RNF19B: variants seen among roughly 807,000 people sequenced by gnomAD.
RNF19B encodes the protein ring finger protein 19B, also known as E3 ubiquitin-protein ligase RNF19B.
RNF19B carries 23 observed loss-of-function variants against 65.5 expected under a neutral mutation model. The ratio of observed to expected loss-of-function variants is 0.35; its 90% CI spans 0.25 to 0.50. The LOEUF (loss-of-function observed/expected upper bound fraction) is 0.50. Ranked by LOEUF, RNF19B falls within the 20% of genes least tolerant of loss-of-function variation. The probability of loss-of-function intolerance (pLI) is 0.98; values close to 1 mark genes in which losing one functional copy is unlikely to be tolerated. For synonymous variants in RNF19B, 372 were observed against 379.6 expected (o/e 0.98, Z 0.23); for missense variants, 794 against 980.0 (o/e 0.81, Z 2.53).
Position 32,936,941 on chromosome 1 carries a change from G to T in RNF19B, c.2061C>A (p.Pro687=). 6.2e-7 allele frequency: 1 copy of T among 1,613,952 alleles called. No homozygotes were observed. The highest frequency in any genetic ancestry group is 8.5e-7 in the Non-Finnish European group (1 of 1,179,996). Residue 687 remains proline (P), a synonymous_variant, in exon 9 of 9, where the codon CCC becomes CCA. Transcript: ENST00000235150. The part of the protein sequence containing the change: ...PDITSDECGS[P]RSHTAACPST... ...AGGGGCAGGCTGCAGTATGGGAGCG[G>T]GGGGAGCCACACTCATCTGAGGTGA...
chr1:32,948,142 A>G (rs1215101558), intron 3 of RNF19B, 80 bp downstream of exon 3: 16 of 1,465,214 alleles, frequency 1.1e-5, no homozygotes, highest in Non-Finnish European at 1.3e-5. Flanking sequence ...GAGAGAACGG[A>G]TGTGTCTTTT....
chr1:32,948,186 A>C (rs1557573004), intron 3 of RNF19B, 36 bp downstream of exon 3: 1 of 1,604,578 alleles, frequency 6.2e-7, no homozygotes, highest in Middle Eastern at 1.7e-4. Flanking sequence ...TAAGAGAATG[A>C]GACTACGAAA....
At chr1:32,951,525 GCAGT>G (rs1642499459) in intron 1 of RNF19B, among the ~76,000 whole-genome samples, 1 of 152,246 alleles carries the variant, frequency 6.6e-6, no homozygotes, top group Non-Finnish European at 1.5e-5. Context: ...AGGCCAACAA[GCAGT>G]CAGGCAGTTG....
intron 3 of RNF19B, among the ~76,000 whole-genome samples, chr1:32,946,983 T>C (rs1642380397): frequency 6.6e-6 from 1 of 152,238 alleles, no homozygotes; most frequent in African/African-American, 2.4e-5. Context: ...CTACCATACC[T>C]AATAGATACT....
chr1:32,948,184 T>A, intron 3 of RNF19B, 38 bp downstream of exon 3: 1 of 1,602,696 alleles, frequency 6.2e-7, no homozygotes, highest in Non-Finnish European at 8.5e-7. Context: ...AGTAAGAGAA[T>A]GAGACTACGA....
chr1:32,949,516 C>T, intron 2 of RNF19B, 53 bp downstream of exon 2: 1 of 1,493,796 alleles, frequency 6.7e-7, no homozygotes, highest in Non-Finnish European at 9.3e-7. Context: ...CAGCTATGGG[C>T]TCACATCATG....
intron 1 of RNF19B, among the ~76,000 whole-genome samples, chr1:32,956,499 T>G (rs1351324771): frequency 6.6e-6 from 1 of 151,158 alleles, no homozygotes; most frequent in Non-Finnish European, 1.5e-5. Flanking sequence ...GCCTGGGAGG[T>G]TGAGGTTCTA....
rs148714801 is a variant in RNF19B at position 32,953,074 on chromosome 1, C to T, written c.636-3300G>A. ...CTGAAACTCCTGGGCTCAAGTGATC[C>T]CACCTCAGGCCTCCAAGTACCAGTG... On this transcript the variant is annotated intron_variant, in intron 1 of 8. Transcript: ENST00000235150. Among the ~76,000 whole-genome samples the T allele has an allele frequency of 5.0e-3, 759 of 150,508 alleles. 8 individuals carry two copies. The highest frequency in any genetic ancestry group is 0.017 in the African/African-American group (704 of 40,972).
chr1:32,937,380 C>G, intron 8 of RNF19B, 121 bp from the exon 9 acceptor site: 2 of 1,449,932 alleles, frequency 1.4e-6, no homozygotes, highest in Non-Finnish European at 1.9e-6. Context: ...TTAACTAGAG[C>G]TCACTTTTAA....
chr1:32,959,830 G>T (rs888783678), intron 1 of RNF19B, among the ~76,000 whole-genome samples: 9 of 147,508 alleles, frequency 6.1e-5, no homozygotes, highest in African/African-American at 2.3e-4. Context: ...GAGGTCAGGA[G>T]ATCGAGACCA....
At chr1:32,948,391 G>A in intron 2 of RNF19B, 28 bp from the exon 3 acceptor site, 1 of 1,601,506 alleles carries the variant, frequency 6.2e-7, no homozygotes, top group Admixed American at 1.7e-5. Flanking sequence ...AGAATGGGTA[G>A]AAAAAATACC....
At chr1:32,954,716 C>A (rs911250491) in intron 1 of RNF19B, among the ~76,000 whole-genome samples, 3 of 137,706 alleles carry the variant, frequency 2.2e-5, no homozygotes, top group African/African-American at 5.3e-5. Flanking sequence ...CCAGCCTGGG[C>A]AACAAAAGAG....
chr1:32,949,329 A>G (rs571122125), intron 2 of RNF19B, among the ~76,000 whole-genome samples: 1 of 152,224 alleles, frequency 6.6e-6, no homozygotes, highest in Non-Finnish European at 1.5e-5. Flanking sequence ...TATTACTAAG[A>G]AAGTAGGAAC....
At chr1:32,948,191 A>T (rs911108282) in intron 3 of RNF19B, 31 bp downstream of exon 3, 7 of 1,609,556 alleles carry the variant, frequency 4.3e-6, no homozygotes, top group Non-Finnish European at 5.9e-6. Context: ...GAATGAGACT[A>T]CGAAAGGAAT....
At chr1:32,953,718 T>C (rs982301723) in intron 1 of RNF19B, among the ~76,000 whole-genome samples, 8 of 151,950 alleles carry the variant, frequency 5.3e-5, no homozygotes, top group African/African-American at 1.9e-4. Flanking sequence ...CTCAAGACAG[T>C]GACTAGCTTG....
chr1:32,951,847 G>T (rs1489738732), intron 1 of RNF19B, among the ~76,000 whole-genome samples: 1 of 151,568 alleles, frequency 6.6e-6, no homozygotes. Flanking sequence ...GCCCAGGATG[G>T]AGCGCAGTGG....
chr1:32,942,852 A>T (rs928507742), intron 6 of RNF19B, among the ~76,000 whole-genome samples: 4 of 152,224 alleles, frequency 2.6e-5, no homozygotes, highest in Non-Finnish European at 4.4e-5. Flanking sequence ...AGAAAGCTAG[A>T]AAAACCGGCC....
chr1:32,938,501 C>T lies in RNF19B; in HGVS notation c.1638G>A (p.Lys546=). 1 of 1,614,138 alleles carries T rather than the reference C, an allele frequency of 6.2e-7. No homozygotes were observed. Among genetic ancestry groups the T allele is most frequent in the South Asian group, 1.1e-5 (1 of 91,080 alleles). ...TGGCTGTGTCTTTGGGGAAAATTTCCTTTTGGACATCGGCTTGAACTTCTA... is the reference window on the plus strand; with the variant it reads ...TGGCTGTGTCTTTGGGGAAAATTTCTTTTTGGACATCGGCTTGAACTTCTA... ...SRLEVQADVQ[K]EIFPKDTASL... Residue 546 remains lysine, a synonymous_variant, in exon 8 of 9, where the codon AAG becomes AAA. Coordinates refer to ENST00000235150, the MANE Select transcript of RNF19B (RefSeq NM_001300826.2).
At chr1:32,932,728 A>T (rs913444624), downstream of RNF19B, among the ~76,000 whole-genome samples, 7 of 152,166 alleles carry the variant, frequency 4.6e-5, no homozygotes, top group Admixed American at 4.6e-4. Flanking sequence ...AAAGAAATCT[A>T]AAATTTCCTT....
Sources: gnomAD v4.1 joint callset for allele counts (sites outside exome capture counted in the v4.1 genomes callset) on GRCh38, gnomAD v4.1.1 for gene constraint, MANE v1.5 for transcripts, NCBI Gene and HGNC (gene_info 2026-07-23, HGNC 2026-07-21) for gene names.